CAB39: variants seen among roughly 807,000 people sequenced by gnomAD.
CAB39 encodes the protein calcium-binding protein 39.
In CAB39, 8 loss-of-function variants were observed where a neutral mutation model predicts 40.0. The observed-to-expected ratio is 0.20, with a 90% confidence interval of 0.12 to 0.36. The LOEUF (loss-of-function observed/expected upper bound fraction) is 0.36, where lower values mean the gene tolerates loss of function less well. CAB39 is among the 10% of genes least tolerant of loss of function. CAB39 has a pLI of 1.00. For synonymous variants in CAB39, 156 were observed against 141.6 expected (o/e 1.10, Z -0.72); for missense variants, 270 against 401.1 (o/e 0.67, Z 2.79).
At chr2:230,782,899 G>A (rs543016780) in intron 2 of CAB39, among the ~76,000 whole-genome samples, 8 of 145,588 alleles carry the variant, frequency 5.5e-5, no homozygotes, top group African/African-American at 1.8e-4. Flanking sequence ...TGCAAGCTCC[G>A]CCTCCTGGGT....
At chr2:230,776,950 G>A (rs1695602651) in intron 2 of CAB39, among the ~76,000 whole-genome samples, 1 of 152,194 alleles carries the variant, frequency 6.6e-6, no homozygotes, top group Non-Finnish European at 1.5e-5. Context: ...GCCTCTTAAA[G>A]TGCTGAGATT....
intron 1 of CAB39, among the ~76,000 whole-genome samples, chr2:230,756,044 G>C (rs1211895406): frequency 6.6e-6 from 1 of 152,162 alleles, no homozygotes; most frequent in East Asian, 1.9e-4. Context: ...GTCCCCCCCG[G>C]GAGAAAGCAG....
At chr2:230,775,473 A>G (rs557278619) in intron 2 of CAB39, among the ~76,000 whole-genome samples, 4 of 152,048 alleles carry the variant, frequency 2.6e-5, no homozygotes, top group South Asian at 2.1e-4. Flanking sequence ...TGACCTGGTG[A>G]TCCTCCCACT....
rs756939709 is a variant in CAB39, at chr2:230,798,703, G to GTTTGTTTGGTTT, written c.399-18_399-7dup. ...TTGAAAAAGCAATCATGTTTGGTTT[G>GTTTGTTTGGTTT]TTTGTTTGGTTTTTTGTTTTTGCAG... is the stretch of plus-strand genomic sequence containing the variant. On this transcript the variant is annotated intron_variant, in intron 4 of 8. Transcript: ENST00000258418. 17 of 1,567,708 alleles carry GTTTGTTTGGTTT rather than the reference G, an allele frequency of 1.1e-5. No individual in the cohort carries two copies. The East Asian group carries it at 3.9e-4, about 36-fold the overall frequency.
intron 1 of CAB39, among the ~76,000 whole-genome samples, chr2:230,722,293 A>T (rs1694468237): frequency 6.6e-6 from 1 of 152,198 alleles, no homozygotes; most frequent in Admixed American, 6.5e-5. Context: ...TAGAGTGAGA[A>T]TATACCATAC....
chr2:230,773,827 C>T (rs1695535668), intron 2 of CAB39, among the ~76,000 whole-genome samples: 1 of 152,192 alleles, frequency 6.6e-6, no homozygotes, highest in South Asian at 2.1e-4. Flanking sequence ...ACAAGAAGTC[C>T]AATTTTGTCT....
chr2:230,809,453 G>A (rs1696267103), intron 5 of CAB39, among the ~76,000 whole-genome samples: 1 of 152,130 alleles, frequency 6.6e-6, no homozygotes, highest in African/African-American at 2.4e-5. Context: ...TACTGGCCAG[G>A]CCTTCCTGCT....
At chr2:230,799,748 T>A (rs1696052869) in intron 5 of CAB39, among the ~76,000 whole-genome samples, 1 of 152,210 alleles carries the variant, frequency 6.6e-6, no homozygotes, top group East Asian at 1.9e-4. Context: ...CCCAGCACTT[T>A]AAGAGGCTGA....
intron 5 of CAB39, among the ~76,000 whole-genome samples, chr2:230,801,166 CAAAAT>C: frequency 6.6e-6 from 1 of 152,238 alleles, no homozygotes; most frequent in East Asian, 1.9e-4. Flanking sequence ...CTCCAAGAAA[CAAAAT>C]TAAGCAGAGT....
intron 1 of CAB39, among the ~76,000 whole-genome samples, chr2:230,752,682 G>A (rs1695111817): frequency 6.6e-6 from 1 of 152,206 alleles, no homozygotes; most frequent in Non-Finnish European, 1.5e-5. Context: ...TACCCTAGAG[G>A]TGATAGTGAC....
intron 4 of CAB39, among the ~76,000 whole-genome samples, chr2:230,795,793 T>G (rs1400664978): frequency 6.6e-6 from 1 of 152,234 alleles, no homozygotes; most frequent in African/African-American, 2.4e-5. Context: ...CCCTTCTTCC[T>G]TGATGACTTA....
chr2:230,818,819 C>A lies in CAB39; in HGVS notation c.*115C>A. ...TACTGCTAATCTGCTGTTAAGTGAA[C>A]GGTTTTTCATTTTACCCTTTTGTTT... On this transcript the variant is annotated 3_prime_UTR_variant, in exon 9 of 9. Transcript: ENST00000258418. The A allele has an allele frequency of 1.2e-6, 1 of 840,772 alleles. No individual in the cohort carries two copies. Among genetic ancestry groups the A allele is most frequent in the Non-Finnish European group, 1.8e-6 (1 of 542,410 alleles). 52.1% of individuals were successfully genotyped at this position (840,772 alleles called of 1,614,324 possible).
chr2:230,769,466 T>C (rs1052518995), intron 2 of CAB39, among the ~76,000 whole-genome samples: 4 of 152,196 alleles, frequency 2.6e-5, no homozygotes, highest in African/African-American at 9.7e-5. Flanking sequence ...ACACATTCTT[T>C]TGAAGTTCAC....
intron 5 of CAB39, among the ~76,000 whole-genome samples, chr2:230,802,573 G>T (rs1696109906): frequency 1.3e-5 from 2 of 152,080 alleles, no homozygotes; most frequent in Non-Finnish European, 1.5e-5. Context: ...TGATAAAGGG[G>T]AGATCACCAC....
At chr2:230,794,392 G>A (rs1022035612) in intron 4 of CAB39, among the ~76,000 whole-genome samples, 3 of 152,226 alleles carry the variant, frequency 2.0e-5, no homozygotes, top group Admixed American at 6.5e-5. Context: ...GTAGTGAGCA[G>A]TGTGAAATTG....
chr2:230,801,921 A>T (rs1371231978), intron 5 of CAB39, among the ~76,000 whole-genome samples: 1 of 152,014 alleles, frequency 6.6e-6, no homozygotes, highest in East Asian at 1.9e-4. Context: ...GAATAAATGG[A>T]TGCTCAGATA....
chr2:230,717,650 A>G (rs1457572760), intron 1 of CAB39, among the ~76,000 whole-genome samples: 1 of 152,204 alleles, frequency 6.6e-6, no homozygotes. Context: ...TTATGAGAAG[A>G]GTTACTACAG....
chr2:230,792,088 A>C (rs1205564476), intron 3 of CAB39, among the ~76,000 whole-genome samples: 5 of 152,244 alleles, frequency 3.3e-5, no homozygotes, highest in Admixed American at 3.3e-4. Context: ...GTTGAGTATA[A>C]TACTGTTAAT....
chr2:230,729,433 AG>A (rs1391996016), intron 1 of CAB39, among the ~76,000 whole-genome samples: 1 of 152,148 alleles, frequency 6.6e-6, no homozygotes, highest in Non-Finnish European at 1.5e-5. Context: ...GGGAAAACCA[AG>A]AGAATCAAAT....
Sources: allele counts gnomAD v4.1 joint callset (sites outside exome capture counted in the v4.1 genomes callset), GRCh38; gene constraint gnomAD v4.1.1; transcripts MANE v1.5; gene names NCBI Gene and HGNC (gene_info 2026-07-23, HGNC 2026-07-21).